MYT1L: variants seen among roughly 807,000 people sequenced by gnomAD.
The protein encoded by MYT1L is myelin transcription factor 1-like protein.
In MYT1L, 12 loss-of-function variants were observed where a neutral mutation model predicts 126.7. The ratio of observed to expected loss-of-function variants is 0.09; its 90% CI spans 0.06 to 0.15. The LOEUF is 0.15. Ranked by LOEUF, MYT1L falls within the 10% of genes least tolerant of loss-of-function variation. The pLI is 1.00. For missense variants in MYT1L, 979 were observed against 1,585.2 expected (o/e 0.62, Z 6.49); for synonymous variants, 541 against 604.2 (o/e 0.90, Z 1.53).
In MYT1L at chr2:1,889,347, T is replaced by G. The variant is rs376077064; in HGVS notation, c.2414A>C (p.Asn805Thr). Residue 805 changes from asparagine (N) to threonine (T), a missense_variant, in exon 16 of 25, where the codon AAC becomes ACC. Around this residue, in one of 12 missense-constraint regions of MYT1L, gnomAD observed 141 missense variants for 170.6 expected, o/e 0.83. Transcript: ENST00000647738. This position sits in a 1 kb window ranked among gnomAD's most constrained non-coding sequence, Gnocchi z 4.1. Reference sequence around the variant, plus strand: ...CTCGCCCAGCTGGAAACACCGGTTGTTCATCACTGCCTGCTGCTGGGGGGA... The same window carrying G: ...CTCGCCCAGCTGGAAACACCGGTTGGTCATCACTGCCTGCTGCTGGGGGGA... Reference protein sequence around the residue: ...PMSPQQQAVMNNRCFQLGEGD... With the variant: ...PMSPQQQAVMTNRCFQLGEGD... The G allele has an allele frequency of 5.7e-5, 92 of 1,613,826 alleles. No homozygotes were observed. Among genetic ancestry groups the G allele is most frequent in the South Asian group, 1.6e-4 (15 of 91,076 alleles).
chr2:1,991,281 C>T (rs554235528), intron 5 of MYT1L, among the ~76,000 whole-genome samples: 1 of 152,266 alleles, frequency 6.6e-6, no homozygotes, highest in East Asian at 1.9e-4. Flanking sequence ...TGCCGCCGCC[C>T]CCTCTTGTGA....
At chr2:2,109,895 A>C (rs2079197066) in intron 3 of MYT1L, among the ~76,000 whole-genome samples, 1 of 111,900 alleles carries the variant, frequency 8.9e-6, no homozygotes, top group African/African-American at 3.0e-5. Flanking sequence ...ATATATATAT[A>C]TATATATATA....
Position 1,915,012 on chromosome 2 carries a change from C to T in MYT1L, c.1618+2193G>A, listed in dbSNP as rs114350147. ...CTAGACCATGCTGTGGAGTCCCCAC[C>T]GTGCAGAGCCCCGGCCTCGTGCAGA... On this transcript the variant is annotated intron_variant, in intron 11 of 24. Transcript: ENST00000647738. Among the ~76,000 whole-genome samples the T allele has an allele frequency of 1.8e-3, 279 of 152,144 alleles. 1 individual carries two copies. The highest frequency in any genetic ancestry group is 6.4e-3 in the African/African-American group (267 of 41,512).
chr2:2,023,299 A>G (rs942211750), intron 4 of MYT1L, among the ~76,000 whole-genome samples: 2 of 152,192 alleles, frequency 1.3e-5, no homozygotes, highest in Admixed American at 1.3e-4. Flanking sequence ...AGACTCGTGC[A>G]TGAACTGTTC....
At chr2:2,026,911 C>T (rs1053076700) in intron 4 of MYT1L, among the ~76,000 whole-genome samples, 3 of 152,134 alleles carry the variant, frequency 2.0e-5, no homozygotes, top group African/African-American at 4.8e-5. Flanking sequence ...CCTGGGGCCA[C>T]GGGGTGCTTT....
At chr2:2,095,243 T>C (rs527566878) in intron 3 of MYT1L, among the ~76,000 whole-genome samples, 1 of 152,298 alleles carries the variant, frequency 6.6e-6, no homozygotes, top group African/African-American at 2.4e-5. Context: ...GACACAGCAA[T>C]GCAGACAACA....
rs569641184 is a variant in MYT1L at position 1,892,504 on chromosome 2, T to C, written c.2033-217A>G. On this transcript the variant is annotated intron_variant, in intron 14 of 24. Coordinates refer to ENST00000647738, the MANE Select transcript of MYT1L (RefSeq NM_001303052.2). Reference sequence around the variant, plus strand: ...TTCTTTTTTCTTCTTTTTTCCTTTTTCCTTTTTTTTTTTTTTTTTGCCCTG... The same window carrying C: ...TTCTTTTTTCTTCTTTTTTCCTTTTCCCTTTTTTTTTTTTTTTTTGCCCTG... Among the ~76,000 whole-genome samples, 218 of 147,076 alleles carry C rather than the reference T, an allele frequency of 1.5e-3. 7 individuals are homozygous for C. The highest frequency in any genetic ancestry group is 0.013 in the Admixed American group (187 of 14,918).
intron 3 of MYT1L, among the ~76,000 whole-genome samples, chr2:2,100,244 C>G (rs2150466990): frequency 6.6e-6 from 1 of 152,230 alleles, no homozygotes; most frequent in African/African-American, 2.4e-5. Flanking sequence ...GAATAAACTT[C>G]AAGGACAGAA....
At chr2:2,155,890 G>T (rs2086643722) in intron 3 of MYT1L, among the ~76,000 whole-genome samples, 1 of 152,088 alleles carries the variant, frequency 6.6e-6, no homozygotes, top group South Asian at 2.1e-4. Flanking sequence ...TCCATGATTT[G>T]CTGTGTGTGC....
At chr2:1,914,185 C>T (rs1467270385) in intron 11 of MYT1L, among the ~76,000 whole-genome samples, 5 of 151,382 alleles carry the variant, frequency 3.3e-5, no homozygotes, top group African/African-American at 7.3e-5. Flanking sequence ...TCCCACGGGG[C>T]GGAGGTTGCA....
intron 2 of MYT1L, among the ~76,000 whole-genome samples, chr2:2,195,048 A>G (rs2092739275): frequency 6.6e-6 from 1 of 152,224 alleles, no homozygotes; most frequent in African/African-American, 2.4e-5. Context: ...ATAATTAGAA[A>G]TGTAAGACTC....
intron 18 of MYT1L, among the ~76,000 whole-genome samples, chr2:1,874,461 C>G (rs1403076305): frequency 1.3e-5 from 2 of 152,128 alleles, no homozygotes; most frequent in Middle Eastern, 3.2e-3. Context: ...TCAGCTGCAC[C>G]CTGGGATCCT....
chr2:2,134,547 G>A (rs2082792196), intron 3 of MYT1L, among the ~76,000 whole-genome samples: 2 of 152,124 alleles, frequency 1.3e-5, no homozygotes, highest in African/African-American at 2.4e-5. Context: ...TGGATGATGA[G>A]GTCATGAAGA....
chr2:2,263,030 CA>C (rs1308840275), intron 2 of MYT1L, among the ~76,000 whole-genome samples: 1 of 144,762 alleles, frequency 6.9e-6, no homozygotes, highest in Non-Finnish European at 1.5e-5. Context: ...ATATTTTTCC[CA>C]AAAGGCAGGG....
intron 5 of MYT1L, among the ~76,000 whole-genome samples, chr2:1,995,216 T>C (rs1277935003): frequency 6.6e-6 from 1 of 152,130 alleles, no homozygotes; most frequent in African/African-American, 2.4e-5. Context: ...TTCCTGTGTG[T>C]TTATGTGACG....
rs1206799589 is a variant in MYT1L at position 1,912,729 on chromosome 2, T to C, written c.1619-619A>G. Among the ~76,000 whole-genome samples, 2 of 151,698 alleles carry C rather than the reference T, an allele frequency of 1.3e-5. No homozygotes were observed. The highest frequency in any genetic ancestry group is 1.3e-4 in the Admixed American group (2 of 15,264). On this transcript the variant is annotated intron_variant, in intron 11 of 24. Transcript: ENST00000647738. This position sits in a 1 kb window ranked among gnomAD's most constrained non-coding sequence, Gnocchi z 4.3. The stretch of plus-strand genomic sequence containing the variant: ...TGAGCTAGAAGAGTAAGCGTCTGCG[T>C]TTTTACCCTGTGAAATTAACAAGCG...
intron 2 of MYT1L, among the ~76,000 whole-genome samples, chr2:2,214,121 T>C (rs2093608867): frequency 6.6e-6 from 1 of 151,656 alleles, no homozygotes; most frequent in Non-Finnish European, 1.5e-5. Flanking sequence ...ACATAACAAT[T>C]GAAATTATCT....
intron 2 of MYT1L, among the ~76,000 whole-genome samples, chr2:2,248,025 A>G (rs2094566462): frequency 1.3e-5 from 2 of 152,136 alleles, no homozygotes; most frequent in Admixed American, 6.5e-5. Context: ...GAAGAAAATA[A>G]ATAATAAAGA....
rs114298065 is a variant in MYT1L at position 2,101,071 on chromosome 2, A to G, written c.-303-46948T>C. Reference sequence around the variant, plus strand: ...TCCTCTCTTTCAACCTGGTTGCCTGAGCTTTGATTGAATTTGACCTAGAAT... The same window carrying G: ...TCCTCTCTTTCAACCTGGTTGCCTGGGCTTTGATTGAATTTGACCTAGAAT... On this transcript the variant is annotated intron_variant, in intron 3 of 24. Coordinates refer to ENST00000647738, the MANE Select transcript of MYT1L (RefSeq NM_001303052.2). 4.5e-3 allele frequency among the ~76,000 whole-genome samples: 691 copies of G among 152,292 alleles called. 5 individuals carry two copies. Among genetic ancestry groups the G allele is most frequent in the African/African-American group, 0.016 (667 of 41,558 alleles).
Sources: allele counts gnomAD v4.1 joint callset (sites outside exome capture counted in the v4.1 genomes callset), GRCh38; gene constraint gnomAD v4.1.1; regional missense constraint gnomAD v4.1.1; non-coding constraint Gnocchi (gnomAD v3.1); transcripts MANE v1.5; gene names NCBI Gene and HGNC (gene_info 2026-07-23, HGNC 2026-07-21).